The following FBXO15 variants were observed in gnomAD, a reference collection of about 807,000 sequenced individuals.
The protein encoded by FBXO15 is F-box only protein 15.
A neutral mutation model predicts 49.5 loss-of-function variants in FBXO15; 30 were observed. The observed-to-expected ratio is 0.61, with a 90% CI of 0.45 to 0.82. The LOEUF (loss-of-function observed/expected upper bound fraction) is 0.82, where lower values mean the gene tolerates loss of function less well. FBXO15 is among the 40% of genes least tolerant of loss of function. The pLI, the probability that FBXO15 is intolerant of heterozygous loss-of-function variation, is 0.00. For synonymous variants in FBXO15, 250 were observed against 232.7 expected (o/e 1.07, Z -0.68); for missense variants, 591 against 631.5 (o/e 0.94, Z 0.69).
intron 3 of FBXO15, among the ~76,000 whole-genome samples, chr18:74,131,619 TGA>T (rs1358025533): frequency 6.6e-6 from 1 of 152,240 alleles, no homozygotes; most frequent in Non-Finnish European, 1.5e-5. Context: ...TGAGCTGGCC[TGA>T]GAGCTCCTCC....
Position 74,147,779 on chromosome 18 carries a change from T to C in FBXO15, c.7A>G (p.Thr3Ala), listed in dbSNP as rs1177741549. The change falls in exon 1 of 10, where the codon ACT becomes GCT. Residue 3 changes from threonine (T) to alanine (A), a missense_variant. By Grantham distance (58) the Thr-to-Ala change is moderately conservative (BLOSUM62 0). Coordinates refer to ENST00000419743, the MANE Select transcript of FBXO15 (RefSeq NM_001142958.2). ...TGCTGCAAGATCCGACCGCGTCCAG[T>C]CGCCATAGAGACAAGGAGTTCACCA... The part of the protein sequence containing the change: MA[T>A]GRGRILQQHW... The C allele has an allele frequency of 3.3e-6, 5 of 1,533,930 alleles. No individual in the cohort carries two copies. Among genetic ancestry groups the C allele is most frequent in the Non-Finnish European group, 4.4e-6 (5 of 1,142,290 alleles).
At chr18:74,130,031 T>C (rs1206128056) in intron 4 of FBXO15, among the ~76,000 whole-genome samples, 3 of 152,230 alleles carry the variant, frequency 2.0e-5, no homozygotes, top group Non-Finnish European at 4.4e-5. Context: ...AAGTCCCTTA[T>C]ATAAATGGCA....
intron 8 of FBXO15, among the ~76,000 whole-genome samples, chr18:74,112,295 T>C (rs1252542662): frequency 6.6e-6 from 1 of 152,168 alleles, no homozygotes; most frequent in Non-Finnish European, 1.5e-5. Context: ...AACAAAATAT[T>C]GGCAAGTCAA....
intron 1 of FBXO15, among the ~76,000 whole-genome samples, chr18:74,145,706 T>G (rs900030001): frequency 2.7e-5 from 4 of 149,046 alleles, no homozygotes; most frequent in Non-Finnish European, 5.9e-5. Context: ...CACGCCATTC[T>G]CCTGCCTCAG....
Position 74,140,431 on chromosome 18 carries a change from A to C in FBXO15, c.117-119T>G, listed in dbSNP as rs568268807. The C allele has an allele frequency of 2.6e-5, 22 of 852,742 alleles. No homozygotes were observed. The South Asian group carries it at 5.0e-4, about 19-fold the overall frequency. 52.8% of individuals were successfully genotyped at this position (852,742 alleles called of 1,614,324 possible). A position where few individuals can be genotyped will look rare whatever the true frequency, so the allele number is the denominator to read the frequency against. On this transcript the variant is annotated intron_variant, in intron 1 of 9. Coordinates refer to ENST00000419743, the MANE Select transcript of FBXO15 (RefSeq NM_001142958.2). The stretch of plus-strand genomic sequence containing the variant: ...CCAAAGATTACTCACTGAAAAACTT[A>C]ATTTCTGCAAAGAAAAAAAGGAAGG...
Position 74,147,744 on chromosome 18 carries a change from G to C in FBXO15, c.42C>G (p.Leu14=). 6.5e-7 allele frequency: 1 copy of C among 1,536,990 alleles called. No homozygotes were observed. Among genetic ancestry groups the C allele is most frequent in the Non-Finnish European group, 8.7e-7 (1 of 1,143,464 alleles). The change falls in exon 1 of 10, where the codon CTC becomes CTG. Residue 14 remains leucine (L), a synonymous_variant. Coordinates refer to ENST00000419743, the MANE Select transcript of FBXO15 (RefSeq NM_001142958.2). Reference sequence around the variant, plus strand: ...TGGGCCCGCGCAGCGTCTGGAGGCCGAGCCAGTGCTGCTGCAAGATCCGAC... The same window carrying C: ...TGGGCCCGCGCAGCGTCTGGAGGCCCAGCCAGTGCTGCTGCAAGATCCGAC... ...GRGRILQQHW[L]GLQTLRGPSR... is the part of the protein sequence containing the mutation.
chr18:74,087,291 T>G (rs994956116), intron 8 of FBXO15, among the ~76,000 whole-genome samples: 2 of 152,136 alleles, frequency 1.3e-5, no homozygotes, highest in Admixed American at 1.3e-4. Context: ...GTTATATAGG[T>G]AAACCGCATG....
chr18:74,091,628 T>A (rs182002209), intron 8 of FBXO15, among the ~76,000 whole-genome samples: 1 of 152,310 alleles, frequency 6.6e-6, no homozygotes, highest in Non-Finnish European at 1.5e-5. Context: ...AGGATCTTAT[T>A]TCTCTTTCCC....
chr18:74,121,918 A>T (rs1350369987), intron 8 of FBXO15, among the ~76,000 whole-genome samples: 1 of 152,234 alleles, frequency 6.6e-6, no homozygotes, highest in Non-Finnish European at 1.5e-5. Context: ...AAAAGAGGCA[A>T]CTTACTAAAA....
intron 8 of FBXO15, chr18:74,099,487 C>T (rs2145142649): frequency 6.6e-6 from 1 of 152,148 alleles, no homozygotes; most frequent in East Asian, 1.9e-4. Context: ...GCATAAATCT[C>T]ACAGGACCTA....
At chr18:74,142,773 G>C (rs1979165599) in intron 1 of FBXO15, among the ~76,000 whole-genome samples, 1 of 151,950 alleles carries the variant, frequency 6.6e-6, no homozygotes, top group African/African-American at 2.4e-5. Context: ...GTCACATCCT[G>C]GTGTTCCAGA....
chr18:74,135,622 A>C (rs1182983083), intron 3 of FBXO15, 140 bp downstream of exon 3: 1 of 652,276 alleles, frequency 1.5e-6, no homozygotes, highest in Admixed American at 3.3e-5. Context: ...TTCATAGTTA[A>C]AGCATTTGAC....
intron 8 of FBXO15, among the ~76,000 whole-genome samples, chr18:74,121,351 C>T (rs959878749): frequency 2.0e-5 from 3 of 152,016 alleles, no homozygotes; most frequent in South Asian, 2.1e-4. Context: ...GAAGATAAAA[C>T]GAAAGAGAAG....
Position 74,079,641 on chromosome 18 carries a change from G to A in FBXO15, c.1263+2286C>T, listed in dbSNP as rs184588059. 2.6e-5 allele frequency among the ~76,000 whole-genome samples: 4 copies of A among 152,242 alleles called. No homozygotes were observed. In the East Asian group the frequency reaches 7.7e-4, roughly 29 times the overall value. On this transcript the variant is annotated intron_variant, in intron 9 of 9. Transcript: ENST00000419743. ...AATAAAAAACTGACCTACTTAGAAT[G>A]TGATTTTTAAAGAATTTTAAAGTTT...
intron 8 of FBXO15, among the ~76,000 whole-genome samples, chr18:74,105,609 GTTT>G (rs138552161): frequency 6.7e-6 from 1 of 148,712 alleles, no homozygotes; most frequent in African/African-American, 2.5e-5. Context: ...CCAGCTTATG[GTTT>G]TTTTTTTGTA....
chr18:74,100,091 T>C (rs1045471471), intron 8 of FBXO15: 7 of 152,150 alleles, frequency 4.6e-5, no homozygotes, highest in African/African-American at 1.2e-4. Context: ...CAGAACATTA[T>C]ACCCAGCAAC....
chr18:74,082,101 C>T (rs1199792567), intron 8 of FBXO15, 50 bp from the exon 9 acceptor site: 3 of 1,591,606 alleles, frequency 1.9e-6, no homozygotes, highest in Non-Finnish European at 1.7e-6. Context: ...TGCAAGATGA[C>T]AAACCAAGCA....
intron 8 of FBXO15, among the ~76,000 whole-genome samples, chr18:74,112,914 A>G (rs1466683041): frequency 6.6e-6 from 1 of 152,266 alleles, no homozygotes; most frequent in East Asian, 1.9e-4. Flanking sequence ...TTACAAAATT[A>G]AACGTACTCG....
chr18:74,124,558 A>C lies in FBXO15; in HGVS notation c.926T>G (p.Leu309Arg). 1 of 1,614,074 alleles carries C rather than the reference A, an allele frequency of 6.2e-7. No homozygotes were observed. The highest frequency in any genetic ancestry group is 8.5e-7 in the Non-Finnish European group (1 of 1,179,998). The change falls in exon 7 of 10, where the codon CTG (leucine) becomes CGG (arginine). Residue 309 changes from leucine to arginine, a missense_variant. Transcript: ENST00000419743. ...LVGVWKKEEE[L>R]AFVMANLHFH... The stretch of plus-strand genomic sequence containing the variant: ...ATGAAGATTTGCCATAACAAAAGCC[A>C]GTTCTTCCTCCTTCTGAAAAGTTAA...
Sources: gnomAD v4.1 joint callset for allele counts (sites outside exome capture counted in the v4.1 genomes callset) on GRCh38, gnomAD v4.1.1 for gene constraint, MANE v1.5 for transcripts, NCBI Gene and HGNC (gene_info 2026-07-23, HGNC 2026-07-21) for gene names.